RNF220: variants seen among roughly 807,000 people sequenced by gnomAD.
RNF220 encodes E3 ubiquitin-protein ligase RNF220.
In RNF220, 7 loss-of-function variants were observed where a neutral mutation model predicts 67.1. The observed-to-expected ratio is 0.10, with a 90% confidence interval of 0.06 to 0.20. RNF220 has a LOEUF of 0.20. Ranked by LOEUF, RNF220 falls within the 10% of genes least tolerant of loss-of-function variation. The pLI is 1.00. For synonymous variants in RNF220, 270 were observed against 283.2 expected (o/e 0.95, Z 0.47); for missense variants, 565 against 740.3 (o/e 0.76, Z 2.75).
intron 2 of RNF220, among the ~76,000 whole-genome samples, chr1:44,532,004 T>A (rs1660871620): frequency 6.6e-6 from 1 of 152,058 alleles, no homozygotes; most frequent in Non-Finnish European, 1.5e-5. Context: ...TGAGTCTCAC[T>A]CCCCCTTCTA....
chr1:44,441,796 A>G (rs566601215), intron 2 of RNF220, among the ~76,000 whole-genome samples: 1 of 152,338 alleles, frequency 6.6e-6, no homozygotes, highest in South Asian at 2.1e-4. Context: ...AGTACCTACT[A>G]TGTGCTAGGA....
rs565596761 is a variant in RNF220, at chr1:44,428,963, G to C, written c.625+16241G>C. Among the ~76,000 whole-genome samples, 20 of 152,008 alleles carry C rather than the reference G, an allele frequency of 1.3e-4. 1 individual carries two copies. In the South Asian group the frequency reaches 4.0e-3, roughly 30 times the overall value. On this transcript the variant is annotated intron_variant, in intron 2 of 14. Coordinates refer to ENST00000361799, the MANE Select transcript of RNF220 (RefSeq NM_018150.4). ...CCACTCCTGCCCCATTCTGTTTTTA[G>C]AGCTTTTGAATGAAGGAAGTGGTGA... is the stretch of plus-strand genomic sequence containing the variant.
chr1:44,615,947 A>G (rs1439711008), intron 3 of RNF220, among the ~76,000 whole-genome samples: 1 of 152,192 alleles, frequency 6.6e-6, no homozygotes, highest in Admixed American at 6.5e-5. Flanking sequence ...TGCAGTCAAG[A>G]TGTCAACCAA....
At chr1:44,426,837 A>C (rs1649838936) in intron 2 of RNF220, among the ~76,000 whole-genome samples, 2 of 152,208 alleles carry the variant, frequency 1.3e-5, no homozygotes, top group Non-Finnish European at 2.9e-5. Flanking sequence ...ACAAGATCTT[A>C]ATTAACAAGT....
chr1:44,518,991 A>G lies in RNF220; in HGVS notation c.626-95174A>G, dbSNP rs569273351. The stretch of plus-strand genomic sequence containing the variant: ...GTGCCTGGCACAGGGTAGATGCTCA[A>G]TAAATAATGAATGAACGAACAAATG... On this transcript the variant is annotated intron_variant, in intron 2 of 14. Transcript: ENST00000361799. 5.1e-4 allele frequency among the ~76,000 whole-genome samples: 78 copies of G among 152,348 alleles called. 1 individual carries two copies. The highest frequency in any genetic ancestry group is 1.6e-3 in the African/African-American group (65 of 41,578).
Position 44,650,042 on chromosome 1 carries a change from G to A in RNF220, c.1629+85G>A, listed in dbSNP as rs1378815124. 1 of 1,399,140 alleles carries A rather than the reference G, an allele frequency of 7.1e-7. No homozygotes were observed. Among genetic ancestry groups the A allele is most frequent in the South Asian group, 1.2e-5 (1 of 82,928 alleles). 86.7% of individuals were successfully genotyped at this position (1,399,140 alleles called of 1,614,324 possible). A position where few individuals can be genotyped will look rare whatever the true frequency, so the allele number is the denominator to read the frequency against. On this transcript the variant is annotated intron_variant, in intron 14 of 14. Coordinates refer to ENST00000361799, the MANE Select transcript of RNF220 (RefSeq NM_018150.4). The surrounding 1 kb of genome is among the most constrained non-coding windows in gnomAD (Gnocchi z 4.3). Reference sequence around the variant, plus strand: ...TGCTTATGCCTGAGCCTGCCTGGGGGAAGTGGGGAGCATGGCGCAAAGGAG... The same window carrying A: ...TGCTTATGCCTGAGCCTGCCTGGGGAAAGTGGGGAGCATGGCGCAAAGGAG...
chr1:44,526,356 G>A (rs1249631319), intron 2 of RNF220, among the ~76,000 whole-genome samples: 1 of 152,068 alleles, frequency 6.6e-6, no homozygotes, highest in Non-Finnish European at 1.5e-5. Flanking sequence ...CTCATTCTCT[G>A]TAGATGACTT....
chr1:44,506,368 TC>T (rs1658424601), intron 2 of RNF220, among the ~76,000 whole-genome samples: 2 of 152,244 alleles, frequency 1.3e-5, no homozygotes, highest in Admixed American at 1.3e-4. Flanking sequence ...CCTCTTCTCT[TC>T]GGTCCATCAC....
chr1:44,639,795 A>G (rs1485274472), intron 8 of RNF220, among the ~76,000 whole-genome samples: 1 of 151,944 alleles, frequency 6.6e-6, no homozygotes, highest in Non-Finnish European at 1.5e-5. Flanking sequence ...TTATTTATTT[A>G]TTTTTGAGAC....
chr1:44,446,898 G>A (rs1652161937), intron 2 of RNF220, among the ~76,000 whole-genome samples: 1 of 152,170 alleles, frequency 6.6e-6, no homozygotes, highest in Non-Finnish European at 1.5e-5. Flanking sequence ...GGCATAATGG[G>A]TGAAGTTACG....
chr1:44,413,654 G>A (rs1447139882), intron 2 of RNF220, among the ~76,000 whole-genome samples: 2 of 152,114 alleles, frequency 1.3e-5, no homozygotes, highest in African/African-American at 2.4e-5. Flanking sequence ...TATGAACTGA[G>A]GGTGTTTTTT....
chr1:44,442,343 A>G (rs568570995), intron 2 of RNF220, among the ~76,000 whole-genome samples: 1 of 151,944 alleles, frequency 6.6e-6, no homozygotes, highest in South Asian at 2.1e-4. Context: ...GGATTTCGCC[A>G]TGTTTCCCAG....
At chr1:44,549,845 C>T (rs1408863488) in intron 2 of RNF220, among the ~76,000 whole-genome samples, 1 of 152,216 alleles carries the variant, frequency 6.6e-6, no homozygotes, top group Non-Finnish European at 1.5e-5. Flanking sequence ...CCCACCTTCG[C>T]CCTGAGTAGG....
Position 44,596,281 on chromosome 1 carries a change from G to A in RNF220, c.626-17884G>A, listed in dbSNP as rs575878826. Among the ~76,000 whole-genome samples the A allele has an allele frequency of 2.0e-4, 31 of 152,294 alleles. 1 individual carries two copies. The South Asian group carries it at 5.8e-3, about 29-fold the overall frequency. ...AGAGAAGTAAAAAGACAGAGAAGGG[G>A]CTGGGTGCGGTGGCTCATGCCTGTA... On this transcript the variant is annotated intron_variant, in intron 2 of 14. Transcript: ENST00000361799.
rs1299734444 is a variant in RNF220, at chr1:44,645,700, G to A, written c.1445+212G>A. Reference sequence around the variant, plus strand: ...GGGCCACGGCCCCAGAAGCCTTGGCGGTGGGAGGAGCAGTCCACCCGCCTG... The same window carrying A: ...GGGCCACGGCCCCAGAAGCCTTGGCAGTGGGAGGAGCAGTCCACCCGCCTG... On this transcript the variant is annotated intron_variant, in intron 12 of 14. Transcript: ENST00000361799. This position sits in a 1 kb window ranked among gnomAD's most constrained non-coding sequence, Gnocchi z 5.0. Among the ~76,000 whole-genome samples, 4 of 152,348 alleles carry A rather than the reference G, an allele frequency of 2.6e-5. No individual in the cohort carries two copies. Among genetic ancestry groups the A allele is most frequent in the Admixed American group, 1.3e-4 (2 of 15,306 alleles).
At chr1:44,426,524 C>T (rs552969600) in intron 2 of RNF220, among the ~76,000 whole-genome samples, 1 of 152,086 alleles carries the variant, frequency 6.6e-6, no homozygotes, top group African/African-American at 2.4e-5. Flanking sequence ...GTCAGGAGTT[C>T]GAGACCAGCC....
intron 2 of RNF220, among the ~76,000 whole-genome samples, chr1:44,550,127 T>C (rs1429488786): frequency 6.6e-6 from 1 of 152,158 alleles, no homozygotes; most frequent in East Asian, 1.9e-4. Context: ...AGAGAGCAAA[T>C]AGGCCAAAAA....
At chr1:44,458,705 A>G (rs1401321502) in intron 2 of RNF220, among the ~76,000 whole-genome samples, 1 of 152,216 alleles carries the variant, frequency 6.6e-6, no homozygotes, top group East Asian at 1.9e-4. Context: ...CGATTGGTTT[A>G]CATAATGTTT....
chr1:44,563,904 T>G (rs1274339188), intron 2 of RNF220, among the ~76,000 whole-genome samples: 4 of 152,178 alleles, frequency 2.6e-5, no homozygotes, highest in Non-Finnish European at 1.5e-5. Flanking sequence ...CTGACATCTC[T>G]TACATCTCTA....
Sources: allele counts gnomAD v4.1 joint callset (sites outside exome capture counted in the v4.1 genomes callset), GRCh38; gene constraint gnomAD v4.1.1; non-coding constraint Gnocchi (gnomAD v3.1); transcripts MANE v1.5; gene names NCBI Gene and HGNC (gene_info 2026-07-23, HGNC 2026-07-21).